The following OR5H1 variants were observed in gnomAD, a reference collection of about 807,000 sequenced individuals.
The protein encoded by OR5H1 is olfactory receptor family 5 subfamily H member 1, also known as olfactory receptor 5H1.
For missense variants in OR5H1, 378 were observed against 366.8 expected (o/e 1.03, Z -0.25); for synonymous variants, 124 against 134.4 (o/e 0.92, Z 0.54).
rs779011701 is a variant in OR5H1, at chr3:98,132,759, C to A, written c.62C>A (p.Pro21Gln). ...EFVLTGFLYQ[P>Q]QWKIPLFLAF... Reference sequence around the variant, plus strand: ...GTTCTCACAGGATTTTTATATCAACCACAGTGGAAAATACCCCTGTTCCTG... The same window carrying A: ...GTTCTCACAGGATTTTTATATCAACAACAGTGGAAAATACCCCTGTTCCTG... Residue 21 changes from proline (P) to glutamine (Q), a missense_variant, in exon 2 of 2, where the codon CCA becomes CAA. Transcript: ENST00000641874. 6.2e-7 allele frequency: 1 copy of A among 1,613,332 alleles called. No homozygotes were observed. Among genetic ancestry groups the A allele is most frequent in the Non-Finnish European group, 8.5e-7 (1 of 1,179,522 alleles).
rs770226988 is a variant in OR5H1 at position 98,132,787 on chromosome 3, A to G, written c.90A>G (p.Ala30=). Residue 30 remains alanine, a synonymous_variant, in exon 2 of 2, where the codon GCA becomes GCG. Coordinates refer to ENST00000641874, the MANE Select transcript of OR5H1 (RefSeq NM_001005338.2). ...QPQWKIPLFL[A]FLVIYLITIM... ...AGTGGAAAATACCCCTGTTCCTGGC[A>G]TTCTTGGTAATATATCTCATCACCA... 4.2e-5 allele frequency: 67 copies of G among 1,613,434 alleles called. No homozygotes were observed. The highest frequency in any genetic ancestry group is 1.7e-4 in the Admixed American group (10 of 59,950).
At position 98,134,945 on chromosome 3, in the gene OR5H1, A is replaced by C. The variant is rs920064930; in HGVS notation, c.*1306A>C. 5.3e-5 allele frequency: 8 copies of C among 152,120 alleles called. No individual in the cohort carries two copies. The highest frequency in any genetic ancestry group is 1.2e-4 in the African/African-American group (5 of 41,436). 9.4% of individuals were successfully genotyped at this position (152,120 alleles called of 1,614,324 possible). On this transcript the variant is annotated 3_prime_UTR_variant, in exon 2 of 2. Coordinates refer to ENST00000641874, the MANE Select transcript of OR5H1 (RefSeq NM_001005338.2). ...CTTTTGTTAGATTGTCATTGCTACC[A>C]GATTATATGCATGTATGTTTTAGGT...
Position 98,133,415 on chromosome 3 carries a change from A to T in OR5H1, c.718A>T (p.Thr240Ser), listed in dbSNP as rs771480433. 6.2e-7 allele frequency: 1 copy of T among 1,613,360 alleles called. No individual in the cohort carries two copies. Among genetic ancestry groups the T allele is most frequent in the Non-Finnish European group, 8.5e-7 (1 of 1,179,642 alleles). The change falls in exon 2 of 2, where the codon ACC becomes TCC. Residue 240 changes from threonine (T) to serine (S), a missense_variant. Thr to Ser is a moderately conservative substitution (Grantham distance 58). Coordinates refer to ENST00000641874, the MANE Select transcript of OR5H1 (RefSeq NM_001005338.2). ...SDKGVRKAFS[T>S]CGAHLFSVSL... ...TAAAGGTGTAAGGAAAGCCTTTTCC[A>T]CCTGTGGAGCCCATCTCTTCTCTGT... is the stretch of plus-strand genomic sequence containing the variant.
In OR5H1 at chr3:98,133,673, A is replaced by G. The variant is rs1158727261; in HGVS notation, c.*34A>G. 6.5e-7 allele frequency: 1 copy of G among 1,530,962 alleles called. No individual in the cohort carries two copies. The highest frequency in any genetic ancestry group is 1.4e-5 in the African/African-American group (1 of 72,652). 94.8% of individuals were successfully genotyped at this position (1,530,962 alleles called of 1,614,324 possible). On this transcript the variant is annotated 3_prime_UTR_variant, in exon 2 of 2. Transcript: ENST00000641874. ...CTCTAATTACAAAAATAGTCACAAA[A>G]TTATGCAAGTTAGAGGTACCTATGT...
Position 98,134,642 on chromosome 3 carries a change from G to A in OR5H1, c.*1003G>A, listed in dbSNP as rs1708299742. ...TTTTGGAGATTTTTTGCCTCGGAAA[G>A]TCATTGATTGTTAACCTTCTTAACA... On this transcript the variant is annotated 3_prime_UTR_variant, in exon 2 of 2. Coordinates refer to ENST00000641874, the MANE Select transcript of OR5H1 (RefSeq NM_001005338.2). 1 of 152,098 alleles carries A rather than the reference G, an allele frequency of 6.6e-6. No homozygotes were observed. Among genetic ancestry groups the A allele is most frequent in the South Asian group, 2.1e-4 (1 of 4,822 alleles). The allele number at this position is 152,098 out of a possible 1,614,324, so 9.4% of individuals were successfully genotyped here.
rs1164881611 is a variant in OR5H1 at position 98,136,989 on chromosome 3, A to C, written c.*3350A>C. 6.6e-6 allele frequency: 1 copy of C among 152,236 alleles called. No individual in the cohort carries two copies. Among genetic ancestry groups the C allele is most frequent in the Non-Finnish European group, 1.5e-5 (1 of 68,038 alleles). 9.4% of individuals were successfully genotyped at this position (152,236 alleles called of 1,614,324 possible). ...ACTAAATGGAATGAGGCAGGGCTTA[A>C]TTGGATGCATAAAGTCAATTCTTAG... On this transcript the variant is annotated 3_prime_UTR_variant, in exon 2 of 2. Coordinates refer to ENST00000641874, the MANE Select transcript of OR5H1 (RefSeq NM_001005338.2).
At chr3:98,131,720 A>G (rs546649721) in intron 1 of OR5H1, among the ~76,000 whole-genome samples, 1 of 152,054 alleles carries the variant, frequency 6.6e-6, no homozygotes, top group East Asian at 1.9e-4. Flanking sequence ...AATCCAAGCA[A>G]TCATTTCTAT....
At chr3:98,130,949 C>G (rs1708249292) in intron 1 of OR5H1, 99 bp downstream of exon 1, 1 of 152,020 alleles carries the variant, frequency 6.6e-6, no homozygotes, top group Non-Finnish European at 1.5e-5. Context: ...AACAAGTTGT[C>G]ATAATAGAAA....
Position 98,132,918 on chromosome 3 carries a change from C to A in OR5H1, c.221C>A (p.Ser74Ter), listed in dbSNP as rs140171913. Residue 74 changes from serine to a stop codon, truncating the protein, a stop_gained, in exon 2 of 2, where the codon TCA becomes TAA. Transcript: ENST00000641874. LOFTEE classifies it low-confidence loss of function (END_TRUNC). ...TTAGCTTTTGTGGATGCTTGGATAT[C>A]ATCCACAGTGACCCCAAAGATGCTG... ...GNLAFVDAWI[S>*]STVTPKMLNN... 3,761 of 1,613,466 alleles carry A rather than the reference C, an allele frequency of 2.3e-3. 82 individuals carry two copies. The African/African-American group carries it at 0.043, about 19-fold the overall frequency.
chr3:98,133,608 T>C lies in OR5H1; in HGVS notation c.911T>C (p.Met304Thr). 6.2e-7 allele frequency: 1 copy of C among 1,605,134 alleles called. No homozygotes were observed. The highest frequency in any genetic ancestry group is 2.2e-5 in the East Asian group (1 of 44,804). ...NKQVTVSFTK[M>T]LKKHVKVSY ...CAAGTCACAGTTTCATTCACAAAAA[T>C]GTTAAAAAAACATGTTAAGGTTTCA... The change falls in exon 2 of 2, where the codon ATG becomes ACG. Residue 304 changes from methionine to threonine, a missense_variant. Met to Thr is a moderately conservative substitution (Grantham distance 81). Transcript: ENST00000641874.
rs149227709 is a variant in OR5H1, at chr3:98,134,009, A to ATAAC, written c.*370_*371insTAAC. 0.017 allele frequency: 3,142 copies of ATAAC among 181,376 alleles called. 99 individuals carry two copies. Among genetic ancestry groups the ATAAC allele is most frequent in the African/African-American group, 0.065 (2,724 of 41,864 alleles). 11.2% of individuals were successfully genotyped at this position (181,376 alleles called of 1,614,324 possible). ...GAATTACCTGCGATATCCATCATATACCATAACTGAGGCAGATTTGTTTTT... is the reference window on the plus strand; with the variant it reads ...GAATTACCTGCGATATCCATCATATATAACCCATAACTGAGGCAGATTTGTTTTT... On this transcript the variant is annotated 3_prime_UTR_variant, in exon 2 of 2. Coordinates refer to ENST00000641874, the MANE Select transcript of OR5H1 (RefSeq NM_001005338.2).
chr3:98,138,466 T>G lies in OR5H1; in HGVS notation c.*4827T>G, dbSNP rs532774430. On this transcript the variant is annotated 3_prime_UTR_variant, in exon 2 of 2. Transcript: ENST00000641874. Reference sequence around the variant, plus strand: ...AACAATATAAAACAATATGAGAGGGTCTCTCTCTTCCCTCATCAGTCAGTC... The same window carrying G: ...AACAATATAAAACAATATGAGAGGGGCTCTCTCTTCCCTCATCAGTCAGTC... 3 of 152,276 alleles carry G rather than the reference T, an allele frequency of 2.0e-5. No homozygotes were observed. The South Asian group carries it at 6.2e-4, about 32-fold the overall frequency. 9.4% of individuals were successfully genotyped at this position (152,276 alleles called of 1,614,324 possible).
intron 1 of OR5H1, among the ~76,000 whole-genome samples, chr3:98,132,366 T>A (rs1429834272): frequency 2.0e-5 from 3 of 152,062 alleles, no homozygotes; most frequent in Non-Finnish European, 4.4e-5. Flanking sequence ...TACAAAAATC[T>A]TTCCTGTTGA....
chr3:98,135,990 A>C lies in OR5H1; in HGVS notation c.*2351A>C, dbSNP rs1040155383. On this transcript the variant is annotated 3_prime_UTR_variant, in exon 2 of 2. Transcript: ENST00000641874. Reference sequence around the variant, plus strand: ...GAACTTCCTGAGTGGGACACTAAGCATCATGCATGAAGATTATCCTCTGAC... The same window carrying C: ...GAACTTCCTGAGTGGGACACTAAGCCTCATGCATGAAGATTATCCTCTGAC... 6 of 152,216 alleles carry C rather than the reference A, an allele frequency of 3.9e-5. No individual in the cohort carries two copies. Among genetic ancestry groups the C allele is most frequent in the African/African-American group, 1.4e-4 (6 of 41,458 alleles). The allele number at this position is 152,216 out of a possible 1,614,324, so 9.4% of individuals were successfully genotyped here.
chr3:98,131,993 A>G (rs1377010461), intron 1 of OR5H1, among the ~76,000 whole-genome samples: 1 of 152,046 alleles, frequency 6.6e-6, no homozygotes, highest in Admixed American at 6.6e-5. Context: ...CCAAGACCAT[A>G]CATTTAACAT....
rs900828272 is a variant in OR5H1, at chr3:98,137,513, T to A, written c.*3874T>A. On this transcript the variant is annotated 3_prime_UTR_variant, in exon 2 of 2. Coordinates refer to ENST00000641874, the MANE Select transcript of OR5H1 (RefSeq NM_001005338.2). ...TACATCACACCGGCATTTTACAGATTGGCAAATCTACGAATATACAATTTC... is the reference window on the plus strand; with the variant it reads ...TACATCACACCGGCATTTTACAGATAGGCAAATCTACGAATATACAATTTC... 2.0e-5 allele frequency: 3 copies of A among 152,210 alleles called. No homozygotes were observed. The highest frequency in any genetic ancestry group is 7.2e-5 in the African/African-American group (3 of 41,460). 9.4% of individuals were successfully genotyped at this position (152,210 alleles called of 1,614,324 possible).
Position 98,133,975 on chromosome 3 carries a change from A to G in OR5H1, c.*336A>G, listed in dbSNP as rs953301711. Reference sequence around the variant, plus strand: ...ACTTGAGTATGATGGTTTTGATACTAATACTACTGAATTACCTGCGATATC... The same window carrying G: ...ACTTGAGTATGATGGTTTTGATACTGATACTACTGAATTACCTGCGATATC... On this transcript the variant is annotated 3_prime_UTR_variant, in exon 2 of 2. Coordinates refer to ENST00000641874, the MANE Select transcript of OR5H1 (RefSeq NM_001005338.2). The G allele has an allele frequency of 7.9e-5, 18 of 227,954 alleles. No individual in the cohort carries two copies. The allele number at this position is 227,954 out of a possible 1,614,324, so 14.1% of individuals were successfully genotyped here. A position where few individuals can be genotyped will look rare whatever the true frequency, so the allele number is the denominator to read the frequency against.
intron 1 of OR5H1, among the ~76,000 whole-genome samples, chr3:98,131,628 G>C (rs1309882636): frequency 6.6e-6 from 1 of 151,846 alleles, no homozygotes; most frequent in Non-Finnish European, 1.5e-5. Flanking sequence ...TGATTTTCTT[G>C]CCATTCCTTT....
At position 98,133,005 on chromosome 3, in the gene OR5H1, C is replaced by T. The variant is rs267599952; in HGVS notation, c.308C>T (p.Ser103Leu). Residue 103 changes from serine (S) to leucine (L), a missense_variant, in exon 2 of 2, where the codon TCG (serine) becomes TTG (leucine). Physicochemically the swap from Ser to Leu is moderately radical, Grantham distance 145. Transcript: ENST00000641874. ...SLSECKIQFF[S>L]FAISVTTECF... is the part of the protein sequence containing the mutation. ...TCTGAATGCAAGATACAGTTTTTTT[C>T]GTTTGCAATCAGTGTAACCACGGAA... The T allele has an allele frequency of 2.5e-6, 4 of 1,613,478 alleles. No homozygotes were observed. The highest frequency in any genetic ancestry group is 2.2e-5 in the South Asian group (2 of 91,066).
Sources: allele counts gnomAD v4.1 joint callset (sites outside exome capture counted in the v4.1 genomes callset), GRCh38; gene constraint gnomAD v4.1.1; transcripts MANE v1.5; gene names NCBI Gene and HGNC (gene_info 2026-07-23, HGNC 2026-07-21).